Variants in TRIP11 observed in about 807,000 individuals in gnomAD.
TRIP11 encodes thyroid hormone receptor interactor 11, also known as thyroid receptor-interacting protein 11.
In TRIP11, 148 loss-of-function variants were observed where a neutral mutation model predicts 223.1. The ratio of observed to expected loss-of-function variants is 0.66; its 90% CI spans 0.58 to 0.76. The LOEUF (loss-of-function observed/expected upper bound fraction) is 0.76. TRIP11 is among the 30% of genes least tolerant of loss of function. The probability of loss-of-function intolerance (pLI) is 0.00; values close to 1 mark genes in which losing one functional copy is unlikely to be tolerated. For synonymous variants in TRIP11, 762 were observed against 772.6 expected, an observed-to-expected ratio of 0.99 and a Z score of 0.23; for missense variants, 2,043 against 2,222.0, an observed-to-expected ratio of 0.92 and a Z score of 1.62.
rs1054933981 is a variant in TRIP11, at chr14:91,984,431, T to G, written c.5260+3853A>C. ...CCCAGGTTCAGGCAATTCTTGTGGC[T>G]CAGCCTCCCAAGAAGCTGGGACTAC... On this transcript the variant is annotated intron_variant, in intron 16 of 20. Transcript: ENST00000267622. Among the ~76,000 whole-genome samples, 12 of 151,452 alleles carry G rather than the reference T, an allele frequency of 7.9e-5. No homozygotes were observed. The East Asian group carries it at 2.3e-3, about 29-fold the overall frequency.
intron 7 of TRIP11, among the ~76,000 whole-genome samples, 160 bp from the exon 8 acceptor site, chr14:92,011,955 C>G (rs149745965): frequency 1.3e-5 from 2 of 152,102 alleles, no homozygotes; most frequent in Non-Finnish European, 2.9e-5. Flanking sequence ...CCTGTTTTGT[C>G]ATATCAAATA....
intron 2 of TRIP11, chr14:92,026,482 C>G (rs939067003): frequency 1.2e-6 from 1 of 848,034 alleles, no homozygotes; most frequent in East Asian, 2.5e-5. Context: ...CCTTGCTCGC[C>G]GCAGCCGGCA....
intron 3 of TRIP11, among the ~76,000 whole-genome samples, chr14:92,024,387 A>T: frequency 6.6e-6 from 1 of 151,762 alleles, no homozygotes; most frequent in South Asian, 2.1e-4. Flanking sequence ...AAAAAAAAAA[A>T]TTATTTGAAC....
At chr14:91,999,891 C>G in intron 12 of TRIP11, 77 bp downstream of exon 12, 1 of 1,580,094 alleles carries the variant, frequency 6.3e-7, no homozygotes, top group Non-Finnish European at 8.7e-7. Context: ...TTCATTTTCA[C>G]TGATCACCTT....
intron 8 of TRIP11, among the ~76,000 whole-genome samples, chr14:92,011,439 C>T (rs920197645): frequency 4.6e-5 from 6 of 130,272 alleles, no homozygotes; most frequent in East Asian, 2.3e-4. Flanking sequence ...TGCGGAGAGC[C>T]GAGATCGCGA....
At chr14:91,970,284 G>T (rs926670991) in intron 20 of TRIP11, among the ~76,000 whole-genome samples, 3 of 151,970 alleles carry the variant, frequency 2.0e-5, no homozygotes, top group Non-Finnish European at 2.9e-5. Flanking sequence ...ATGGTGGCGG[G>T]CGCCTGTAAT....
At chr14:92,010,235 T>C (rs1025678883) in intron 9 of TRIP11, among the ~76,000 whole-genome samples, 5 of 151,924 alleles carry the variant, frequency 3.3e-5, no homozygotes, top group African/African-American at 1.2e-4. Context: ...TGTACCCCTA[T>C]AAAGACCTTC....
intron 6 of TRIP11, among the ~76,000 whole-genome samples, 196 bp downstream of exon 6, chr14:92,015,500 A>T (rs1221006577): frequency 1.3e-5 from 2 of 151,894 alleles, no homozygotes; most frequent in Non-Finnish European, 2.9e-5. Context: ...TGCTACTAAA[A>T]ATACAAAAAT....
intron 2 of TRIP11, among the ~76,000 whole-genome samples, chr14:92,031,181 C>T (rs1210223610): frequency 1.3e-5 from 2 of 152,054 alleles, no homozygotes; most frequent in Non-Finnish European, 2.9e-5. Context: ...TGCAATGGTA[C>T]GATCTTGGCT....
chr14:92,006,138 A>G lies in TRIP11; in HGVS notation c.1838T>C (p.Ile613Thr), dbSNP rs973331496. ...QKENLELKEH[I>T]RQNEEELSRI... ...AGAAAGCTCCTCCTCATTTTGTCTA[A>G]TATGCTCCTTAAGTTCTAAATTCTC... is the stretch of plus-strand genomic sequence containing the variant. The change falls in exon 11 of 21, where the codon ATT (isoleucine) becomes ACT (threonine). Residue 613 changes from isoleucine (I) to threonine (T), a missense_variant. Ile to Thr is a moderately conservative substitution (Grantham distance 89, BLOSUM62 -1). Transcript: ENST00000267622. The G allele has an allele frequency of 9.3e-6, 15 of 1,612,462 alleles. No homozygotes were observed. Among genetic ancestry groups the G allele is most frequent in the Non-Finnish European group, 1.2e-5 (14 of 1,179,656 alleles).
chr14:92,004,276 T>A lies in TRIP11; in HGVS notation c.3700A>T (p.Asn1234Tyr). ...WKQQVMTTVQ[N>Y]MQHESAQLQE... ...AGCTGGGCTGACTCGTGTTGCATAT[T>A]TTGTACTGTGGTCATCACCTGCTGC... Residue 1234 changes from asparagine (N) to tyrosine (Y), a missense_variant, in exon 11 of 21, where the codon AAT (asparagine) becomes TAT (tyrosine). Coordinates refer to ENST00000267622, the MANE Select transcript of TRIP11 (RefSeq NM_004239.4). 1 of 1,614,136 alleles carries A rather than the reference T, an allele frequency of 6.2e-7. No individual in the cohort carries two copies. The highest frequency in any genetic ancestry group is 8.5e-7 in the Non-Finnish European group (1 of 1,180,030).
At chr14:91,984,611 C>T (rs936249873) in intron 16 of TRIP11, among the ~76,000 whole-genome samples, 10 of 152,092 alleles carry the variant, frequency 6.6e-5, no homozygotes, top group African/African-American at 1.4e-4. Flanking sequence ...CCACCACGTC[C>T]GGCCAAATCA....
intron 1 of TRIP11, among the ~76,000 whole-genome samples, chr14:92,035,302 C>T (rs1170442449): frequency 6.6e-6 from 1 of 151,596 alleles, no homozygotes; most frequent in Non-Finnish European, 1.5e-5. Context: ...GCCTGGGCGA[C>T]AGAGCAAGAC....
At chr14:92,031,449 T>A (rs1008883834) in intron 2 of TRIP11, among the ~76,000 whole-genome samples, 1 of 152,142 alleles carries the variant, frequency 6.6e-6, no homozygotes, top group Non-Finnish European at 1.5e-5. Context: ...CGGTGTTGCA[T>A]GCCTGTGGTA....
At chr14:92,033,425 A>C (rs2057290448) in intron 1 of TRIP11, among the ~76,000 whole-genome samples, 172 bp from the exon 2 acceptor site, 1 of 152,220 alleles carries the variant, frequency 6.6e-6, no homozygotes, top group Non-Finnish European at 1.5e-5. Flanking sequence ...ACTGACACTA[A>C]TGTTCTTCAT....
intron 2 of TRIP11, among the ~76,000 whole-genome samples, chr14:92,030,203 C>CAAAAAAA (rs55828319): frequency 4.5e-5 from 3 of 67,076 alleles, no homozygotes; most frequent in African/African-American, 1.2e-4. Flanking sequence ...GACTCCGTCT[C>CAAAAAAA]AAAAAAAAAA....
chr14:92,013,886 C>G (rs1842732348), intron 7 of TRIP11, among the ~76,000 whole-genome samples: 1 of 152,146 alleles, frequency 6.6e-6, no homozygotes, highest in Non-Finnish European at 1.5e-5. Context: ...TCTAAGCACT[C>G]AGGGCTTTGC....
chr14:92,021,591 C>T lies in TRIP11; in HGVS notation c.553G>A (p.Glu185Lys). The T allele has an allele frequency of 6.2e-7, 1 of 1,614,154 alleles. No homozygotes were observed. The highest frequency in any genetic ancestry group is 8.5e-7 in the Non-Finnish European group (1 of 1,180,040). The change falls in exon 4 of 21, where the codon GAG becomes AAG. Residue 185 changes from glutamate (E) to lysine (K), a missense_variant. Coordinates refer to ENST00000267622, the MANE Select transcript of TRIP11 (RefSeq NM_004239.4). ...TGCCTCCAATGGCCAACTTCAGACTCAAGTCTTGAAACTTCATTTGAGAGT... is the reference window on the plus strand; with the variant it reads ...TGCCTCCAATGGCCAACTTCAGACTTAAGTCTTGAAACTTCATTTGAGAGT... ...NRLSNEVSRL[E>K]SEVGHWRHIA...
intron 17 of TRIP11, 52 bp from the exon 18 acceptor site, chr14:91,975,338 TCAAACAC>T: frequency 3.5e-6 from 4 of 1,159,300 alleles, no homozygotes; most frequent in Middle Eastern, 2.0e-4. Context: ...TTAAGTACAC[TCAAACAC>T]TAAGCATAGA....
Sources: allele counts gnomAD v4.1 joint callset (sites outside exome capture counted in the v4.1 genomes callset), GRCh38; gene constraint gnomAD v4.1.1; transcripts MANE v1.5; gene names NCBI Gene and HGNC (gene_info 2026-07-23, HGNC 2026-07-21).